Variants in MPP7 observed in about 807,000 individuals in gnomAD.
The protein encoded by MPP7 is MAGUK p55 scaffold protein 7, also known as MAGUK p55 subfamily member 7.
Under a neutral mutation model 76.5 loss-of-function variants are expected in MPP7, and 60 were observed. That is an observed-to-expected ratio of 0.78 (90% CI 0.64 to 0.97). The LOEUF (loss-of-function observed/expected upper bound fraction) is 0.97. MPP7 is among the 50% of genes least tolerant of loss of function. The pLI, the probability that MPP7 is intolerant of heterozygous loss-of-function variation, is 0.00. For missense variants in MPP7, 641 were observed against 694.0 expected (o/e 0.92, Z 0.86); for synonymous variants, 237 against 244.5 (o/e 0.97, Z 0.29).
intron 1 of MPP7, among the ~76,000 whole-genome samples, chr10:28,248,047 A>G (rs1839493249): frequency 6.6e-6 from 1 of 152,194 alleles, no homozygotes; most frequent in African/African-American, 2.4e-5. Flanking sequence ...ATTTCCAAAG[A>G]GTTATGTAAA....
intron 12 of MPP7, among the ~76,000 whole-genome samples, chr10:28,071,590 G>A (rs1210315095): frequency 1.3e-5 from 2 of 151,934 alleles, no homozygotes; most frequent in African/African-American, 4.8e-5. Flanking sequence ...ATAACTTATC[G>A]ACATAATTCT....
At chr10:28,320,618 G>A (rs911779983) in intron 2 of MPP7, among the ~76,000 whole-genome samples, 5 of 151,978 alleles carry the variant, frequency 3.3e-5, no homozygotes, top group Admixed American at 1.3e-4. Flanking sequence ...TGGAAGGGGG[G>A]TCAACTTGAA....
At chr10:28,322,217 TACAGGTGGAGATGGTGTGGTGCTGAA>T (rs1589048488) in intron 2 of MPP7, among the ~76,000 whole-genome samples, 1 of 151,996 alleles carries the variant, frequency 6.6e-6, no homozygotes, top group Admixed American at 6.6e-5. Context: ...AGAGATCAAG[TACAGGTGGAGATGGTGTGGTGCTGAA>T]ACAGATGGGA....
chr10:28,253,478 A>G (rs1316591075), intron 1 of MPP7, among the ~76,000 whole-genome samples: 3 of 152,222 alleles, frequency 2.0e-5, no homozygotes, highest in Non-Finnish European at 4.4e-5. Flanking sequence ...GATTAATCAG[A>G]AAGAGGAAAA....
At chr10:28,148,008 A>C (rs1313098257) in intron 4 of MPP7, among the ~76,000 whole-genome samples, 3 of 152,164 alleles carry the variant, frequency 2.0e-5, no homozygotes, top group Admixed American at 2.0e-4. Flanking sequence ...AAAAACCCAC[A>C]GTAGCTGTGC....
At position 28,223,923 on chromosome 10, in the gene MPP7, C is replaced by T. The variant is rs371145879; in HGVS notation, c.37+14645G>A. Among the ~76,000 whole-genome samples the T allele has an allele frequency of 1.6e-3, 235 of 151,034 alleles. 1 individual carries two copies. Among genetic ancestry groups the T allele is most frequent in the African/African-American group, 5.1e-3 (208 of 41,098 alleles). On this transcript the variant is annotated intron_variant, in intron 2 of 16. Transcript: ENST00000683449. The stretch of plus-strand genomic sequence containing the variant: ...AAAAATACACAATTTTGGCCAGGTG[C>T]GGTGGCTCACACCTGCAATCCCAGC...
At chr10:28,167,164 A>C (rs1053250388) in intron 3 of MPP7, among the ~76,000 whole-genome samples, 9 of 152,064 alleles carry the variant, frequency 5.9e-5, no homozygotes, top group African/African-American at 1.9e-4. Flanking sequence ...TACAAAAATT[A>C]GCCAGGCGTG....
intron 3 of MPP7, among the ~76,000 whole-genome samples, chr10:28,177,906 G>A (rs923999379): frequency 1.3e-5 from 2 of 152,074 alleles, no homozygotes; most frequent in African/African-American, 2.4e-5. Context: ...TCCCTTGGCT[G>A]ATCCAGAATG....
chr10:28,323,631 G>C (rs1834386408), intron 2 of MPP7, among the ~76,000 whole-genome samples: 1 of 152,098 alleles, frequency 6.6e-6, no homozygotes, highest in African/African-American at 2.4e-5. Context: ...GATCACGTGA[G>C]GCCAGGAGTT....
chr10:28,076,668 A>C (rs2133388654), intron 12 of MPP7, among the ~76,000 whole-genome samples: 1 of 152,244 alleles, frequency 6.6e-6, no homozygotes, highest in East Asian at 1.9e-4. Context: ...CAGGCGGATC[A>C]CCTGAGGTCA....
At chr10:28,091,449 G>A (rs377386291) in intron 11 of MPP7, among the ~76,000 whole-genome samples, 1 of 151,740 alleles carries the variant, frequency 6.6e-6, no homozygotes, top group Non-Finnish European at 1.5e-5. Flanking sequence ...CATCACGCCC[G>A]GCTAACTTTT....
intron 3 of MPP7, among the ~76,000 whole-genome samples, chr10:28,194,079 A>G (rs191022517): frequency 1.1e-3 from 165 of 152,270 alleles, no homozygotes; most frequent in African/African-American, 3.8e-3. Flanking sequence ...CAGTGACACA[A>G]TCTCAACTCA....
intron 12 of MPP7, among the ~76,000 whole-genome samples, chr10:28,089,018 G>A (rs1020568090): frequency 9.2e-5 from 14 of 152,168 alleles, no homozygotes; most frequent in Non-Finnish European, 2.1e-4. Flanking sequence ...TCGGACTACA[G>A]GACTGTGCTA....
chr10:28,235,150 G>A (rs1176916693), intron 2 of MPP7, among the ~76,000 whole-genome samples: 1 of 152,010 alleles, frequency 6.6e-6, no homozygotes, highest in Non-Finnish European at 1.5e-5. Flanking sequence ...GAAGCTTAAT[G>A]AGAGACGACA....
At chr10:28,184,098 T>G (rs1364048109) in intron 3 of MPP7, among the ~76,000 whole-genome samples, 1 of 150,498 alleles carries the variant, frequency 6.6e-6, no homozygotes, top group Non-Finnish European at 1.5e-5. Context: ...AATAAGAAGA[T>G]ATTTATATAT....
intron 12 of MPP7, among the ~76,000 whole-genome samples, 171 bp downstream of exon 12, chr10:28,089,500 T>C (rs1853183800): frequency 6.6e-6 from 1 of 152,186 alleles, no homozygotes; most frequent in Admixed American, 6.5e-5. Flanking sequence ...TAAAAGTCTC[T>C]GCAAGTCAAT....
chr10:28,155,946 C>T (rs2133801825), intron 3 of MPP7, among the ~76,000 whole-genome samples: 1 of 152,226 alleles, frequency 6.6e-6, no homozygotes, highest in South Asian at 2.1e-4. Context: ...ATGTACTCTT[C>T]CAGCTATTGT....
At chr10:28,202,450 G>A (rs1322202528) in intron 2 of MPP7, among the ~76,000 whole-genome samples, 179 bp from the exon 3 acceptor site, 2 of 152,150 alleles carry the variant, frequency 1.3e-5, no homozygotes, top group African/African-American at 4.8e-5. Flanking sequence ...AAATTCCAAA[G>A]CAGTGGTATG....
intron 1 of MPP7, among the ~76,000 whole-genome samples, chr10:28,290,914 T>C (rs1840902942): frequency 6.6e-6 from 1 of 152,248 alleles, no homozygotes; most frequent in Non-Finnish European, 1.5e-5. Flanking sequence ...CATACAGATA[T>C]GAATTAACAG....
Sources: allele counts gnomAD v4.1 joint callset (sites outside exome capture counted in the v4.1 genomes callset), GRCh38; gene constraint gnomAD v4.1.1; transcripts MANE v1.5; gene names NCBI Gene and HGNC (gene_info 2026-07-23, HGNC 2026-07-21).